The following COL11A2 variants were observed in gnomAD, a reference collection of about 807,000 sequenced individuals.
COL11A2 encodes the protein collagen type XI alpha 2 chain.
A neutral mutation model predicts 273.4 loss-of-function variants in COL11A2; 116 were observed. The ratio of observed to expected loss-of-function variants is 0.42; its 90% CI spans 0.36 to 0.49. COL11A2 has a LOEUF of 0.49. Ranked by LOEUF, COL11A2 falls within the 20% of genes least tolerant of loss-of-function variation. The pLI, the probability that COL11A2 is intolerant of heterozygous loss-of-function variation, is 0.00. For synonymous variants in COL11A2, 782 were observed against 864.2 expected (o/e 0.90, Z 1.67); for missense variants, 1,866 against 2,309.0 (o/e 0.81, Z 3.93).
At position 33,164,506 on chromosome 6, in the gene COL11A2, G is replaced by T; in HGVS notation, c.4864-33C>A. On this transcript the variant is annotated intron_variant, in intron 64 of 65. Coordinates refer to ENST00000341947, the MANE Select transcript of COL11A2 (RefSeq NM_080680.3). This position sits in a 1 kb window ranked among gnomAD's most constrained non-coding sequence, Gnocchi z 4.7. ...GAGAGAGAGGGCTGGCCTCAGAGGGGGAGAGAGAGGGCTGGCCTCAGAGGG... is the reference window on the plus strand; with the variant it reads ...GAGAGAGAGGGCTGGCCTCAGAGGGTGAGAGAGAGGGCTGGCCTCAGAGGG... 1 of 1,486,470 alleles carries T rather than the reference G, an allele frequency of 6.7e-7. No individual in the cohort carries two copies. Among genetic ancestry groups the T allele is most frequent in the Non-Finnish European group, 9.0e-7 (1 of 1,106,448 alleles). 92.1% of individuals were successfully genotyped at this position (1,486,470 alleles called of 1,614,324 possible).
Position 33,188,378 on chromosome 6 carries a change from T to C in COL11A2, c.590A>G (p.Asp197Gly). ...TCTGGTTACCTCAAAGACTTCTTCA[T>C]CCAGAATACGGGCACCAAAGATGAT... ...GVIIFGARIL[D>G]EEVFEGDVQE... Residue 197 changes from aspartate to glycine, a missense_variant, in exon 4 of 66, where the codon GAT becomes GGT. Coordinates refer to ENST00000341947, the MANE Select transcript of COL11A2 (RefSeq NM_080680.3). The C allele has an allele frequency of 6.2e-7, 1 of 1,613,032 alleles. No individual in the cohort carries two copies. Among genetic ancestry groups the C allele is most frequent in the Non-Finnish European group, 8.5e-7 (1 of 1,180,028 alleles).
Position 33,186,630 on chromosome 6 carries a change from G to C in COL11A2, c.795C>G (p.Ser265Arg). 1 of 1,614,126 alleles carries C rather than the reference G, an allele frequency of 6.2e-7. No individual in the cohort carries two copies. The highest frequency in any genetic ancestry group is 8.5e-7 in the Non-Finnish European group (1 of 1,180,018). ...LHRPQNQEPQSQPTESLYYDY... is the reference protein window; with the variant it reads ...LHRPQNQEPQRQPTESLYYDY... ...GGGGTTCTCCCAGCTCCCTCACCTGGCTCTGGGGTTCCTGATTTTGTGGCC... is the reference window on the plus strand; with the variant it reads ...GGGGTTCTCCCAGCTCCCTCACCTGCCTCTGGGGTTCCTGATTTTGTGGCC... Residue 265 changes from serine (S) to arginine (R), a missense_variant, in exon 5 of 66, where the codon AGC becomes AGG. Ser to Arg is a moderately radical substitution (Grantham distance 110). Coordinates refer to ENST00000341947, the MANE Select transcript of COL11A2 (RefSeq NM_080680.3).
At chr6:33,188,898 A>T in intron 3 of COL11A2, 80 bp downstream of exon 3, 2 of 1,497,132 alleles carry the variant, frequency 1.3e-6, no homozygotes, top group Admixed American at 3.3e-5. Flanking sequence ...CAAGGGTTTC[A>T]CAGTTTAGAG....
Position 33,176,688 on chromosome 6 carries a change from T to A in COL11A2, c.2115+33A>T. On this transcript the variant is annotated intron_variant, in intron 26 of 65. Transcript: ENST00000341947. The surrounding 1 kb of genome is among the most constrained non-coding windows in gnomAD (Gnocchi z 4.9). Reference sequence around the variant, plus strand: ...GAGGCTCTAGAGTCTGAGTGGAGACTCCCTCAGGGGATAAAGACATGGAAG... The same window carrying A: ...GAGGCTCTAGAGTCTGAGTGGAGACACCCTCAGGGGATAAAGACATGGAAG... 6.2e-7 allele frequency: 1 copy of A among 1,600,738 alleles called. No homozygotes were observed. Among genetic ancestry groups the A allele is most frequent in the Middle Eastern group, 1.7e-4 (1 of 6,026 alleles).
intron 5 of COL11A2, 188 bp downstream of exon 5, chr6:33,186,439 C>T (rs1421354676): frequency 6.9e-7 from 1 of 1,442,184 alleles, no homozygotes; most frequent in African/African-American, 1.4e-5. Flanking sequence ...AGCTCCCAGC[C>T]ACAAATTCTT....
chr6:33,164,460 T>G lies in COL11A2; in HGVS notation c.4877A>C (p.Asp1626Ala), dbSNP rs1768793363. ...RDDVTQFSYV[D>A]SEGSPVGVVQ... ...CACACCCACTGGGGAGCCCTCTGAG[T>G]CCACGTAAGAGAACTGGAAGGAGAG... Residue 1626 changes from aspartate (D) to alanine (A), a missense_variant, in exon 65 of 66, where the codon GAC becomes GCC. Asp to Ala is a moderately radical substitution (Grantham distance 126). Coordinates refer to ENST00000341947, the MANE Select transcript of COL11A2 (RefSeq NM_080680.3). This position sits in a 1 kb window ranked among gnomAD's most constrained non-coding sequence, Gnocchi z 4.7. 6.4e-7 allele frequency: 1 copy of G among 1,556,624 alleles called. No individual in the cohort carries two copies. Among genetic ancestry groups the G allele is most frequent in the Non-Finnish European group, 8.7e-7 (1 of 1,149,120 alleles).
chr6:33,164,262 C>T lies in COL11A2; in HGVS notation c.5070+5G>A, dbSNP rs1310527404. On this transcript the variant is annotated splice_donor_5th_base_variant and intron_variant, in intron 65 of 65. Transcript: ENST00000341947. This position sits in a 1 kb window ranked among gnomAD's most constrained non-coding sequence, Gnocchi z 4.7. ...AGCCCCCAACCCAGCTCTTCCTGTT[C>T]CCACCTGGCAGCCATCTCTGAATTC... 4 of 1,612,752 alleles carry T rather than the reference C, an allele frequency of 2.5e-6. No homozygotes were observed. Among genetic ancestry groups the T allele is most frequent in the African/African-American group, 1.3e-5 (1 of 74,912 alleles).
At chr6:33,187,766 G>T (rs1772610501) in intron 4 of COL11A2, among the ~76,000 whole-genome samples, 2 of 149,784 alleles carry the variant, frequency 1.3e-5, no homozygotes, top group Admixed American at 6.7e-5. Context: ...TTGAAGGAGG[G>T]AGTGGTTGAG....
Position 33,163,547 on chromosome 6 carries a change from G to T in COL11A2, c.*131C>A. ...ACCCCTCCCCTGGCCTGCCCCGACT[G>T]AGGGCTCTCCACGCCCTGGCCCAGG... is the stretch of plus-strand genomic sequence containing the variant. On this transcript the variant is annotated 3_prime_UTR_variant, in exon 66 of 66. Transcript: ENST00000341947. The surrounding 1 kb of genome is among the most constrained non-coding windows in gnomAD (Gnocchi z 4.1). 1 of 1,448,024 alleles carries T rather than the reference G, an allele frequency of 6.9e-7. No homozygotes were observed. Among genetic ancestry groups the T allele is most frequent in the South Asian group, 1.2e-5 (1 of 86,382 alleles). 89.7% of individuals were successfully genotyped at this position (1,448,024 alleles called of 1,614,324 possible). A position where few individuals can be genotyped will look rare whatever the true frequency, so the allele number is the denominator to read the frequency against.
intron 8 of COL11A2, among the ~76,000 whole-genome samples, chr6:33,181,409 C>G (rs1445619618): frequency 6.6e-6 from 1 of 152,192 alleles, no homozygotes; most frequent in Non-Finnish European, 1.5e-5. Flanking sequence ...AACACAACCT[C>G]TCCATCTCCC....
intron 8 of COL11A2, 82 bp from the exon 9 acceptor site, chr6:33,181,252 T>A: frequency 7.0e-7 from 1 of 1,424,954 alleles, no homozygotes. Context: ...AACTCCAACC[T>A]TGATTCTTAG....
At position 33,175,614 on chromosome 6, in the gene COL11A2, G is replaced by A. The variant is rs150877886; in HGVS notation, c.2336C>T (p.Pro779Leu). The stretch of plus-strand genomic sequence containing the variant: ...CCCTGGGGGCCCAGGGTCTCCAGTC[G>A]GTCCAGTGCGTCCCTTTGGCCCCTC... Reference protein sequence around the residue: ...GPEGPKGRTGPTGDPGPPGLM... With the variant: ...GPEGPKGRTGLTGDPGPPGLM... The change falls in exon 30 of 66, where the codon CCG (proline) becomes CTG (leucine). Residue 779 changes from proline to leucine, a missense_variant. Physicochemically the swap from Pro to Leu is moderately conservative, Grantham distance 98. Transcript: ENST00000341947. The A allele has an allele frequency of 2.0e-3, 3,290 of 1,612,892 alleles. 23 individuals are homozygous for A. The highest frequency in any genetic ancestry group is 0.011 in the Middle Eastern group (68 of 6,062).
rs750371432 is a variant in COL11A2, at chr6:33,190,684, C to G, written c.83-1215G>C. Among the ~76,000 whole-genome samples, 6 of 152,122 alleles carry G rather than the reference C, an allele frequency of 3.9e-5. No homozygotes were observed. The highest frequency in any genetic ancestry group is 7.2e-5 in the African/African-American group (3 of 41,394). On this transcript the variant is annotated intron_variant, in intron 1 of 65. Transcript: ENST00000341947. This position sits in a 1 kb window ranked among gnomAD's most constrained non-coding sequence, Gnocchi z 4.5. ...AGCCGGGAAACCACGGCCTTCCCCCCCAACCCCCACCTAAGCCTGGCCCCT... is the reference window on the plus strand; with the variant it reads ...AGCCGGGAAACCACGGCCTTCCCCCGCAACCCCCACCTAAGCCTGGCCCCT...
At position 33,171,479 on chromosome 6, in the gene COL11A2, C is replaced by T; in HGVS notation, c.3246G>A (p.Glu1082=). The change falls in exon 43 of 66, where the codon GAG becomes GAA. Residue 1082 remains glutamate (E), a synonymous_variant. Coordinates refer to ENST00000341947, the MANE Select transcript of COL11A2 (RefSeq NM_080680.3). ...GGGGTCCCCTCACCTTGTCTCCATC[C>T]TCTCCAGCCACACCTGGAGGCCCAG... ...GPAGPPGVAG[E]DGDKGEVGDP... The T allele has an allele frequency of 1.9e-6, 3 of 1,613,932 alleles. No homozygotes were observed. The highest frequency in any genetic ancestry group is 2.5e-6 in the Non-Finnish European group (3 of 1,179,918).
At chr6:33,181,921 T>C (rs868011154) in intron 8 of COL11A2, among the ~76,000 whole-genome samples, 1 of 152,188 alleles carries the variant, frequency 6.6e-6, no homozygotes, top group Non-Finnish European at 1.5e-5. Context: ...AGAATCTCTC[T>C]AAGATTGTGG....
rs991494435 is a variant in COL11A2 at position 33,176,186 on chromosome 6, G to C, written c.2214+73C>G. 2.5e-6 allele frequency: 4 copies of C among 1,605,258 alleles called. No individual in the cohort carries two copies. The African/African-American group carries it at 5.4e-5, about 21-fold the overall frequency. On this transcript the variant is annotated intron_variant, in intron 28 of 65. Coordinates refer to ENST00000341947, the MANE Select transcript of COL11A2 (RefSeq NM_080680.3). The surrounding 1 kb of genome is among the most constrained non-coding windows in gnomAD (Gnocchi z 4.9). ...GGGAGCTGGACGGCAGTGCGGGGCA[G>C]GCTGGAGGGAAGGCAGTGAAGAGAG...
chr6:33,171,670 C>G (rs757855427), intron 42 of COL11A2, 43 bp downstream of exon 42: 168 of 1,602,410 alleles, frequency 1.0e-4, no homozygotes, highest in Non-Finnish European at 1.4e-4. Context: ...CCTAGGCTCA[C>G]AGACCCCTCC....
At chr6:33,187,207 A>C (rs1183886710) in intron 4 of COL11A2, among the ~76,000 whole-genome samples, 1 of 152,214 alleles carries the variant, frequency 6.6e-6, no homozygotes, top group Admixed American at 6.5e-5. Context: ...TTCCAGAGAC[A>C]GGGCTCAGCT....
In COL11A2 at chr6:33,173,971, T is replaced by G; in HGVS notation, c.2529+40A>C. 1 of 1,613,932 alleles carries G rather than the reference T, an allele frequency of 6.2e-7. No individual in the cohort carries two copies. The highest frequency in any genetic ancestry group is 8.5e-7 in the Non-Finnish European group (1 of 1,179,950). ...TGTCAGAGAAACCCAAATGCCCCCC[T>G]CTGGACCTTGAGCCACCTGTTTCTC... On this transcript the variant is annotated intron_variant, in intron 33 of 65. Coordinates refer to ENST00000341947, the MANE Select transcript of COL11A2 (RefSeq NM_080680.3). This position sits in a 1 kb window ranked among gnomAD's most constrained non-coding sequence, Gnocchi z 6.3.
Sources: allele counts gnomAD v4.1 joint callset (sites outside exome capture counted in the v4.1 genomes callset), GRCh38; gene constraint gnomAD v4.1.1; non-coding constraint Gnocchi (gnomAD v3.1); transcripts MANE v1.5; gene names NCBI Gene and HGNC (gene_info 2026-07-23, HGNC 2026-07-21).